The following ACKR3 variants were observed in gnomAD, a reference collection of about 807,000 sequenced individuals.
ACKR3 encodes the protein C-X-C chemokine receptor type 7.
A neutral mutation model predicts 22.4 loss-of-function variants in ACKR3; 6 were observed. That is an observed-to-expected ratio of 0.27 (90% CI 0.15 to 0.53). The LOEUF is 0.53. Ranked by LOEUF, ACKR3 falls within the 20% of genes least tolerant of loss-of-function variation. ACKR3 has a pLI of 0.96. For missense variants in ACKR3, 396 were observed against 475.2 expected, an observed-to-expected ratio of 0.83 and a Z score of 1.55; for synonymous variants, 209 against 205.2, an observed-to-expected ratio of 1.02 and a Z score of -0.16.
At chr2:236,543,042 A>G in the ACKR3 span, among the ~76,000 whole-genome samples, 5 of 151,918 alleles carry the variant, frequency 3.3e-5, no homozygotes, top group African/African-American at 4.9e-5. Context: ...GAAATAAAGC[A>G]ATGACAGTTG....
At chr2:236,559,951 T>C in the ACKR3 span, among the ~76,000 whole-genome samples, 1 of 152,232 alleles carries the variant, frequency 6.6e-6, no homozygotes, top group Non-Finnish European at 1.5e-5. Context: ...AGTCATGAAA[T>C]TGCAAACTGT....
chr2:236,575,295 G>A (rs1448663051), intron 1 of ACKR3, among the ~76,000 whole-genome samples: 1 of 152,096 alleles, frequency 6.6e-6, no homozygotes, highest in Non-Finnish European at 1.5e-5. Context: ...CTTACTGCAG[G>A]TCTTTTTCTA....
chr2:236,574,829 C>T lies in ACKR3; in HGVS notation c.-27+4905C>T, dbSNP rs764293355. ...ATCCCAGAAACGAGAGGTGCATCTC[C>T]GAGAAAGTCCTGCAATTGACAAGAG... On this transcript the variant is annotated intron_variant, in intron 1 of 1. Coordinates refer to ENST00000272928, the MANE Select transcript of ACKR3 (RefSeq NM_020311.3). The surrounding 1 kb of genome is among the most constrained non-coding windows in gnomAD (Gnocchi z 5.6). Among the ~76,000 whole-genome samples the T allele has an allele frequency of 2.6e-5, 4 of 152,114 alleles. No individual in the cohort carries two copies. The highest frequency in any genetic ancestry group is 1.9e-4 in the East Asian group (1 of 5,192).
the ACKR3 span, among the ~76,000 whole-genome samples, chr2:236,547,857 C>T: frequency 4.0e-5 from 6 of 149,332 alleles, no homozygotes; most frequent in Admixed American, 2.7e-4. Context: ...TTTTTTACAG[C>T]GTATCTGGGT....
At chr2:236,571,575 T>C (rs1300408899) in intron 1 of ACKR3, among the ~76,000 whole-genome samples, 1 of 149,496 alleles carries the variant, frequency 6.7e-6, no homozygotes, top group Non-Finnish European at 1.5e-5. Flanking sequence ...GTATTATGAT[T>C]TCTAATCAGG....
the ACKR3 span, among the ~76,000 whole-genome samples, chr2:236,544,561 G>A: frequency 2.0e-5 from 3 of 152,206 alleles, no homozygotes; most frequent in Admixed American, 2.0e-4. This position sits in a 1 kb window ranked among gnomAD's most constrained non-coding sequence, Gnocchi z 5.0. Context: ...CGTAGCTTGG[G>A]TTGGAGAGCT....
upstream of ACKR3, among the ~76,000 whole-genome samples, chr2:236,563,534 G>A (rs1691117430): frequency 6.6e-6 from 1 of 152,190 alleles, no homozygotes; most frequent in East Asian, 1.9e-4. Context: ...ATTTAAGCCT[G>A]CATCAAAATA....
At chr2:236,569,364 A>C (rs958986219), upstream of ACKR3, among the ~76,000 whole-genome samples, 3 of 152,208 alleles carry the variant, frequency 2.0e-5, no homozygotes, top group South Asian at 4.1e-4. Context: ...AACAAGGAAA[A>C]CCCAGGCTTA....
chr2:236,540,075 G>A, the ACKR3 span, among the ~76,000 whole-genome samples: 1 of 152,146 alleles, frequency 6.6e-6, no homozygotes, highest in Admixed American at 6.5e-5. Context: ...CATATAGTAA[G>A]TGTACATTTA....
chr2:236,570,301 T>A (rs569815243), intron 1 of ACKR3, among the ~76,000 whole-genome samples: 4 of 152,236 alleles, frequency 2.6e-5, no homozygotes, highest in African/African-American at 9.6e-5. Context: ...GGGGATTAGC[T>A]TGGCACCCAC....
At chr2:236,572,419 G>A (rs569486215) in intron 1 of ACKR3, among the ~76,000 whole-genome samples, 1 of 152,216 alleles carries the variant, frequency 6.6e-6, no homozygotes, top group Non-Finnish European at 1.5e-5. Flanking sequence ...CGAGCCCAGG[G>A]CAGTGTGGGG....
At chr2:236,547,198 A>T in the ACKR3 span, among the ~76,000 whole-genome samples, 1 of 152,238 alleles carries the variant, frequency 6.6e-6, no homozygotes, top group Non-Finnish European at 1.5e-5. Context: ...AGAAGGAAAT[A>T]AAAGTTGCCC....
chr2:236,558,289 A>C, the ACKR3 span, among the ~76,000 whole-genome samples: 1 of 152,176 alleles, frequency 6.6e-6, no homozygotes, highest in African/African-American at 2.4e-5. Flanking sequence ...ACTGTTAATG[A>C]CATGCTAATG....
chr2:236,561,720 G>C, the ACKR3 span, among the ~76,000 whole-genome samples: 2 of 152,178 alleles, frequency 1.3e-5, no homozygotes, highest in African/African-American at 4.8e-5. Flanking sequence ...TCAAACCCCT[G>C]ATCTCTGGTG....
chr2:236,563,826 T>C (rs972710377), upstream of ACKR3, among the ~76,000 whole-genome samples: 9 of 152,166 alleles, frequency 5.9e-5, no homozygotes, highest in Admixed American at 2.6e-4. Context: ...AGACTGTCTG[T>C]AGGTGGGTTA....
intron 1 of ACKR3, among the ~76,000 whole-genome samples, chr2:236,576,860 A>G (rs73131712): frequency 7.9e-5 from 12 of 152,370 alleles, no homozygotes; most frequent in African/African-American, 2.9e-4. Flanking sequence ...AGGGTAAGCT[A>G]TAGTATGACA....
At chr2:236,576,232 A>G (rs1221375412) in intron 1 of ACKR3, among the ~76,000 whole-genome samples, 1 of 152,238 alleles carries the variant, frequency 6.6e-6, no homozygotes, top group Non-Finnish European at 1.5e-5. Context: ...CCCTGTGGCT[A>G]TCGGCCTTCC....
At chr2:236,554,478 A>G in the ACKR3 span, among the ~76,000 whole-genome samples, 3 of 152,200 alleles carry the variant, frequency 2.0e-5, no homozygotes, top group Admixed American at 6.5e-5. Flanking sequence ...ATTAGCAGAC[A>G]TAGGAGCAGT....
At chr2:236,542,231 G>C in the ACKR3 span, among the ~76,000 whole-genome samples, 4 of 152,330 alleles carry the variant, frequency 2.6e-5, no homozygotes, top group South Asian at 4.1e-4. Context: ...GTGACATCAT[G>C]TTGATATTTT....
Sources: allele counts gnomAD v4.1 joint callset (sites outside exome capture counted in the v4.1 genomes callset), GRCh38; gene constraint gnomAD v4.1.1; non-coding constraint Gnocchi (gnomAD v3.1); transcripts MANE v1.5; gene names NCBI Gene and HGNC (gene_info 2026-07-23, HGNC 2026-07-21).